SIM1: variants seen among roughly 807,000 people sequenced by gnomAD.
SIM1 encodes single-minded homolog 1.
SIM1 carries 18 observed loss-of-function variants against 78.2 expected under a neutral mutation model. The ratio of observed to expected loss-of-function variants is 0.23; its 90% confidence interval spans 0.16 to 0.34. The LOEUF is 0.34. Among genes scored for constraint, SIM1 ranks in the 10% least tolerant of loss-of-function variants. The pLI is 1.00. For synonymous variants in SIM1, 417 were observed against 385.2 expected (o/e 1.08, Z -0.97); for missense variants, 939 against 975.1 (o/e 0.96, Z 0.49).
intron 6 of SIM1, 95 bp downstream of exon 6, chr6:100,449,268 G>T: frequency 9.9e-7 from 1 of 1,010,944 alleles, no homozygotes; most frequent in Non-Finnish European, 1.5e-6. Context: ...GCCCTTGCGG[G>T]TAGTCCCAGA....
intron 9 of SIM1, 89 bp from the exon 10 acceptor site, chr6:100,421,047 T>A: frequency 1.4e-6 from 2 of 1,406,920 alleles, no homozygotes; most frequent in Non-Finnish European, 1.9e-6. Context: ...TAATCCGAAT[T>A]TGAAAAGAAG....
intron 2 of SIM1, chr6:100,463,045 T>A: frequency 4.8e-6 from 2 of 416,434 alleles, no homozygotes; most frequent in Non-Finnish European, 4.3e-6. Flanking sequence ...ACTGTTGGGC[T>A]GCTTCCCAAC....
rs77109140 is a variant in SIM1, at chr6:100,463,724, C to T, written c.-256G>A. 0.026 allele frequency: 9,017 copies of T among 351,130 alleles called. 136 individuals are homozygous for T. The highest frequency in any genetic ancestry group is 0.036 in the Middle Eastern group (45 of 1,258). The allele number at this position is 351,130 out of a possible 1,614,324, so 21.8% of individuals were successfully genotyped here. ...GATCCACCGAATTTGGGCGATCCAC[C>T]GAATTTGGGCAATCCTGAGGGTCGT... On this transcript the variant is annotated 5_prime_UTR_variant, in exon 2 of 12. Transcript: ENST00000369208.
intron 9 of SIM1, chr6:100,437,216 A>G (rs138221198): frequency 1.3e-5 from 2 of 152,232 alleles, no homozygotes; most frequent in East Asian, 3.9e-4. Flanking sequence ...TTGATAACAT[A>G]TTTTTCAAAT....
intron 10 of SIM1, among the ~76,000 whole-genome samples, chr6:100,411,866 A>T (rs1290688070): frequency 1.3e-5 from 2 of 152,166 alleles, no homozygotes; most frequent in Non-Finnish European, 2.9e-5. Context: ...TTTGAAAAAT[A>T]GGGGCAATGC....
At chr6:100,417,469 A>T (rs1771433939) in intron 10 of SIM1, among the ~76,000 whole-genome samples, 1 of 152,240 alleles carries the variant, frequency 6.6e-6, no homozygotes. Context: ...TTCAGCTAGC[A>T]TCTGTTAAGT....
intron 9 of SIM1, among the ~76,000 whole-genome samples, chr6:100,428,741 T>C (rs1464897453): frequency 1.3e-5 from 2 of 152,042 alleles, no homozygotes. Flanking sequence ...ACCCTATGCC[T>C]ACATTATAGG....
chr6:100,449,786 C>A, intron 4 of SIM1, 87 bp from the exon 5 acceptor site: 1 of 1,095,718 alleles, frequency 9.1e-7, no homozygotes, highest in East Asian at 2.4e-5. Flanking sequence ...TCTGCAGGAC[C>A]ATGAGGACAG....
chr6:100,408,323 G>A (rs1454462508), intron 10 of SIM1, among the ~76,000 whole-genome samples: 1 of 151,872 alleles, frequency 6.6e-6, no homozygotes, highest in Non-Finnish European at 1.5e-5. Context: ...TTTAAAGCTG[G>A]TACTGTTATT....
chr6:100,458,936 A>G (rs1772763012), intron 2 of SIM1, among the ~76,000 whole-genome samples: 1 of 152,224 alleles, frequency 6.6e-6, no homozygotes, highest in South Asian at 2.1e-4. Context: ...GACACTGGCA[A>G]TGGGTGGCCC....
intron 3 of SIM1, among the ~76,000 whole-genome samples, chr6:100,452,083 G>A (rs543836238): frequency 6.6e-6 from 1 of 152,112 alleles, no homozygotes; most frequent in Admixed American, 6.5e-5. Flanking sequence ...CCAGTGGTGG[G>A]GAAATCAAAA....
chr6:100,403,909 A>C lies in SIM1; in HGVS notation c.1168-10020T>G, dbSNP rs185260131. On this transcript the variant is annotated intron_variant, in intron 10 of 11. Coordinates refer to ENST00000369208, the MANE Select transcript of SIM1 (RefSeq NM_005068.3). ...TAAGGTTCAAAAAATGTTTTTGCCC[A>C]AAGTTGCATGATTATGAAGTTTAAG... 2.0e-4 allele frequency among the ~76,000 whole-genome samples: 31 copies of C among 152,318 alleles called. No individual in the cohort carries two copies. In the East Asian group the frequency reaches 5.8e-3, roughly 28 times the overall value.
intron 10 of SIM1, among the ~76,000 whole-genome samples, chr6:100,403,534 G>A (rs956502628): frequency 3.3e-5 from 5 of 152,154 alleles, no homozygotes; most frequent in African/African-American, 1.2e-4. Flanking sequence ...CCACCTTCAA[G>A]GTGTTCACAT....
intron 10 of SIM1, among the ~76,000 whole-genome samples, chr6:100,407,594 A>G (rs1432126648): frequency 6.6e-6 from 1 of 152,096 alleles, no homozygotes; most frequent in Non-Finnish European, 1.5e-5. Flanking sequence ...TTTTCTGCAC[A>G]TCTTTGTCAA....
At chr6:100,399,888 G>A (rs1770863656) in intron 10 of SIM1, among the ~76,000 whole-genome samples, 1 of 151,620 alleles carries the variant, frequency 6.6e-6, no homozygotes, top group South Asian at 2.1e-4. Context: ...AGTTTCAAAA[G>A]GCTAAAAATA....
chr6:100,424,061 AC>A, intron 9 of SIM1, among the ~76,000 whole-genome samples: 1 of 108,930 alleles, frequency 9.2e-6, no homozygotes, highest in East Asian at 3.1e-4. Context: ...TTCAGACCCC[AC>A]CCCCCTCCCA....
intron 11 of SIM1, among the ~76,000 whole-genome samples, chr6:100,392,590 G>A (rs970275011): frequency 3.9e-5 from 6 of 152,194 alleles, no homozygotes; most frequent in African/African-American, 1.4e-4. Context: ...AGCAAGAATA[G>A]AAACAGATTA....
At chr6:100,397,356 A>G (rs1770792931) in intron 10 of SIM1, among the ~76,000 whole-genome samples, 1 of 152,222 alleles carries the variant, frequency 6.6e-6, no homozygotes, top group South Asian at 2.1e-4. Context: ...TATCAGCATT[A>G]CTTGGAGGCG....
chr6:100,430,581 C>T (rs1562247607), intron 9 of SIM1, among the ~76,000 whole-genome samples: 1 of 152,026 alleles, frequency 6.6e-6, no homozygotes, highest in Non-Finnish European at 1.5e-5. Context: ...ATATGTTATT[C>T]GGGCTGCCTC....
Sources: gnomAD v4.1 joint callset for allele counts (sites outside exome capture counted in the v4.1 genomes callset) on GRCh38, gnomAD v4.1.1 for gene constraint, MANE v1.5 for transcripts, NCBI Gene and HGNC (gene_info 2026-07-23, HGNC 2026-07-21) for gene names.